The following ROBO2 variants were observed in gnomAD, a reference collection of about 807,000 sequenced individuals.
The protein encoded by ROBO2 is roundabout homolog 2.
A neutral mutation model predicts 160.8 loss-of-function variants in ROBO2; 53 were observed. The ratio of observed to expected loss-of-function variants is 0.33; its 90% CI spans 0.26 to 0.41. The LOEUF (loss-of-function observed/expected upper bound fraction) is 0.41, where lower values mean the gene tolerates loss of function less well. ROBO2 is among the 10% of genes least tolerant of loss of function. ROBO2 has a pLI of 1.00. For missense variants in ROBO2, 1,577 were observed against 1,722.4 expected (o/e 0.92, Z 1.49); for synonymous variants, 664 against 611.7 (o/e 1.09, Z -1.26).
intron 2 of ROBO2, among the ~76,000 whole-genome samples, chr3:76,417,244 A>T (rs567048095): frequency 1.3e-5 from 2 of 152,342 alleles, no homozygotes; most frequent in East Asian, 1.9e-4. Flanking sequence ...TGCATATAAG[A>T]CAACTCTGAC....
intron 2 of ROBO2, among the ~76,000 whole-genome samples, chr3:76,447,201 GACAA>G (rs1183602008): frequency 9.2e-5 from 14 of 152,002 alleles, no homozygotes; most frequent in South Asian, 4.1e-4. Flanking sequence ...ACAAGAAAAA[GACAA>G]ACAACCCCAT....
chr3:76,883,879 G>A (rs1348828916), intron 2 of ROBO2, among the ~76,000 whole-genome samples: 1 of 152,082 alleles, frequency 6.6e-6, no homozygotes, highest in Non-Finnish European at 1.5e-5. Flanking sequence ...TCAAGTTGAA[G>A]CTATATTCAT....
chr3:76,592,043 C>T (rs1204849795), intron 2 of ROBO2, among the ~76,000 whole-genome samples: 3 of 151,766 alleles, frequency 2.0e-5, no homozygotes, highest in African/African-American at 7.3e-5. Flanking sequence ...ATACTTTTTA[C>T]AGAAAGATGT....
intron 2 of ROBO2, among the ~76,000 whole-genome samples, chr3:76,281,535 A>G (rs1286223142): frequency 6.6e-6 from 1 of 151,894 alleles, no homozygotes; most frequent in Non-Finnish European, 1.5e-5. Context: ...TTGTTTTCCT[A>G]CCACTATAGC....
intron 2 of ROBO2, among the ~76,000 whole-genome samples, chr3:76,135,126 G>A (rs964993287): frequency 1.3e-5 from 2 of 151,986 alleles, no homozygotes; most frequent in East Asian, 3.9e-4. Flanking sequence ...AGGAGTGTGT[G>A]GGGCAAGATT....
intron 2 of ROBO2, among the ~76,000 whole-genome samples, chr3:76,801,177 C>G (rs2064170225): frequency 6.6e-6 from 1 of 152,246 alleles, no homozygotes; most frequent in East Asian, 1.9e-4. Flanking sequence ...CATGTTCTCA[C>G]TTATAACTGT....
intron 2 of ROBO2, among the ~76,000 whole-genome samples, chr3:77,237,160 T>G (rs937582138): frequency 4.5e-4 from 67 of 150,322 alleles, no homozygotes; most frequent in Non-Finnish European, 8.4e-4. Flanking sequence ...GGAGTGACCA[T>G]CATGCCTGGC....
chr3:76,326,888 C>T (rs986334612), intron 2 of ROBO2, among the ~76,000 whole-genome samples: 24 of 150,162 alleles, frequency 1.6e-4, no homozygotes, highest in African/African-American at 3.9e-4. Context: ...TTTGTTCTTG[C>T]GATAGTTTAC....
intron 2 of ROBO2, among the ~76,000 whole-genome samples, chr3:76,098,094 C>T (rs1179814540): frequency 6.6e-6 from 1 of 152,152 alleles, no homozygotes; most frequent in Non-Finnish European, 1.5e-5. Flanking sequence ...ACACATGTCT[C>T]TCCTTCAGTG....
chr3:77,189,150 GC>G (rs1373016737), intron 2 of ROBO2, among the ~76,000 whole-genome samples: 2 of 151,732 alleles, frequency 1.3e-5, no homozygotes, highest in Admixed American at 1.3e-4. Flanking sequence ...CAGTGATTTG[GC>G]CCCCGATGAA....
chr3:76,374,328 C>G (rs754352624), intron 2 of ROBO2, among the ~76,000 whole-genome samples: 3 of 151,954 alleles, frequency 2.0e-5, no homozygotes, highest in Admixed American at 1.3e-4. Flanking sequence ...CTTTTTCTGC[C>G]TGGGATCTGA....
intron 2 of ROBO2, among the ~76,000 whole-genome samples, chr3:76,823,737 A>G (rs1269976064): frequency 6.6e-6 from 1 of 152,172 alleles, no homozygotes. Flanking sequence ...AATTTATTTA[A>G]TTGGACAGAC....
intron 14 of ROBO2, among the ~76,000 whole-genome samples, chr3:77,576,277 T>C (rs1279473500): frequency 1.3e-5 from 2 of 152,068 alleles, no homozygotes; most frequent in African/African-American, 4.8e-5. Flanking sequence ...AATGCAAATA[T>C]GGCTATACCT....
At chr3:76,751,907 A>G (rs2108243452) in intron 2 of ROBO2, among the ~76,000 whole-genome samples, 1 of 152,276 alleles carries the variant, frequency 6.6e-6, no homozygotes, top group African/African-American at 2.4e-5. Flanking sequence ...ATCTAGAACT[A>G]GAAATACCAT....
chr3:76,032,935 A>T (rs755453303), intron 2 of ROBO2, among the ~76,000 whole-genome samples: 4 of 152,172 alleles, frequency 2.6e-5, no homozygotes, highest in Non-Finnish European at 4.4e-5. Context: ...CTGCTTGTTT[A>T]GACAAGATAG....
chr3:76,365,910 C>A (rs1441373613), intron 2 of ROBO2, among the ~76,000 whole-genome samples: 2 of 152,026 alleles, frequency 1.3e-5, no homozygotes, highest in African/African-American at 4.8e-5. Flanking sequence ...CACTCTTCTG[C>A]TCAAAACATG....
chr3:77,364,831 T>C (rs2070599810), intron 2 of ROBO2, among the ~76,000 whole-genome samples: 1 of 152,124 alleles, frequency 6.6e-6, no homozygotes, highest in Non-Finnish European at 1.5e-5. Flanking sequence ...TGACAACAGA[T>C]AGATTAATAG....
chr3:76,771,355 G>A (rs991025125), intron 2 of ROBO2, among the ~76,000 whole-genome samples: 1 of 151,092 alleles, frequency 6.6e-6, no homozygotes, highest in Non-Finnish European at 1.5e-5. Context: ...TTTAAATATG[G>A]CTACTAGCAA....
chr3:75,944,049 T>G (rs552145248), intron 2 of ROBO2, among the ~76,000 whole-genome samples: 1 of 152,134 alleles, frequency 6.6e-6, no homozygotes, highest in African/African-American at 2.4e-5. Flanking sequence ...TAATATAAAT[T>G]GTTTAAAATT....
Sources: allele counts gnomAD v4.1 joint callset (sites outside exome capture counted in the v4.1 genomes callset), GRCh38; gene constraint gnomAD v4.1.1; transcripts MANE v1.5; gene names NCBI Gene and HGNC (gene_info 2026-07-23, HGNC 2026-07-21).